The following WDR72 variants were observed in gnomAD, a reference collection of about 807,000 sequenced individuals.
WDR72 encodes the protein WD repeat-containing protein 72.
In WDR72, 120 loss-of-function variants were observed where a neutral mutation model predicts 124.2. That is an observed-to-expected ratio of 0.97 (90% CI 0.83 to 1.12). WDR72 has a LOEUF of 1.12. Among genes scored for constraint, WDR72 ranks in the 50% most tolerant of loss-of-function variants. The pLI is 0.00. For synonymous variants in WDR72, 452 were observed against 441.7 expected, an observed-to-expected ratio of 1.02 and a Z score of -0.29; for missense variants, 1,387 against 1,278.8, an observed-to-expected ratio of 1.08 and a Z score of -1.29.
intron 14 of WDR72, among the ~76,000 whole-genome samples, chr15:53,621,878 ACAAAG>A (rs1171460418): frequency 6.6e-6 from 1 of 152,146 alleles, no homozygotes; most frequent in African/African-American, 2.4e-5. Flanking sequence ...TATGCATCTG[ACAAAG>A]CCCTAATATC....
intron 19 of WDR72, among the ~76,000 whole-genome samples, 157 bp downstream of exon 19, chr15:53,523,061 T>G (rs1466746633): frequency 2.0e-5 from 3 of 152,006 alleles, no homozygotes; most frequent in Admixed American, 6.6e-5. Context: ...AGATAACAGC[T>G]CCACACTGTG....
chr15:53,720,474 G>A (rs910161719), intron 3 of WDR72, among the ~76,000 whole-genome samples: 2 of 152,122 alleles, frequency 1.3e-5, no homozygotes, highest in Non-Finnish European at 2.9e-5. Context: ...TCTTACTAAA[G>A]AATATCATTT....
rs753721207 is a variant in WDR72 at position 53,711,317 on chromosome 15, C to T, written c.857+19G>A. 8.1e-6 allele frequency: 13 copies of T among 1,613,854 alleles called. No individual in the cohort carries two copies. Among genetic ancestry groups the T allele is most frequent in the African/African-American group, 2.7e-5 (2 of 74,874 alleles). On this transcript the variant is annotated intron_variant, in intron 8 of 19. Coordinates refer to ENST00000360509, the MANE Select transcript of WDR72 (RefSeq NM_182758.4). ...TTTTCTACCTGAATGTTTTGTATGC[C>T]GCTCCCATCTGAGCCCACCTGTTCA...
At chr15:53,729,651 TCA>T (rs1194304827) in intron 2 of WDR72, among the ~76,000 whole-genome samples, 2 of 152,164 alleles carry the variant, frequency 1.3e-5, no homozygotes, top group Admixed American at 1.3e-4. Flanking sequence ...CTCATGTCTT[TCA>T]CACACACTTG....
chr15:53,615,373 T>G, intron 15 of WDR72, 53 bp downstream of exon 15: 5 of 1,373,084 alleles, frequency 3.6e-6, no homozygotes, highest in Non-Finnish European at 5.1e-6. Flanking sequence ...AATAATGATA[T>G]ATATTTTTAA....
intron 18 of WDR72, among the ~76,000 whole-genome samples, chr15:53,587,862 A>T (rs2012298614): frequency 6.6e-6 from 1 of 152,080 alleles, no homozygotes; most frequent in Non-Finnish European, 1.5e-5. Context: ...CATCTGTAGC[A>T]GGTAAAAGAA....
rs146628975 is a variant in WDR72, at chr15:53,534,104, C to A, written c.3149-10782G>T. Among the ~76,000 whole-genome samples, 23 of 152,208 alleles carry A rather than the reference C, an allele frequency of 1.5e-4. No homozygotes were observed. In the East Asian group the frequency reaches 3.1e-3, roughly 21 times the overall value. ...AATCAGAAGACTGAGCTAGAAAAAT[C>A]AGAGGCCTGACCCAGTGTGTCAGTT... is the stretch of plus-strand genomic sequence containing the variant. On this transcript the variant is annotated intron_variant, in intron 18 of 19. Coordinates refer to ENST00000360509, the MANE Select transcript of WDR72 (RefSeq NM_182758.4).
At chr15:53,627,896 T>C (rs2140389133) in intron 14 of WDR72, among the ~76,000 whole-genome samples, 1 of 152,280 alleles carries the variant, frequency 6.6e-6, no homozygotes, top group Middle Eastern at 3.4e-3. Context: ...AAAAATAAAA[T>C]ACTTTTTAAA....
chr15:53,742,550 T>A (rs1246870566), intron 1 of WDR72, among the ~76,000 whole-genome samples: 1 of 152,134 alleles, frequency 6.6e-6, no homozygotes, highest in Non-Finnish European at 1.5e-5. Context: ...AATTTTTAAA[T>A]CTCATCTATT....
chr15:53,576,877 T>A (rs1333466051), intron 18 of WDR72, among the ~76,000 whole-genome samples: 2 of 152,174 alleles, frequency 1.3e-5, no homozygotes, highest in Non-Finnish European at 2.9e-5. Flanking sequence ...TCCAGAATAT[T>A]TTTGGGAAAT....
At chr15:53,525,250 T>C (rs1892049677) in intron 18 of WDR72, among the ~76,000 whole-genome samples, 1 of 152,122 alleles carries the variant, frequency 6.6e-6, no homozygotes, top group African/African-American at 2.4e-5. Flanking sequence ...CAAGATTTCC[T>C]GGCCTACTTT....
At chr15:53,622,776 G>GAACTA (rs200002566) in intron 14 of WDR72, among the ~76,000 whole-genome samples, 23 of 148,342 alleles carry the variant, frequency 1.6e-4, no homozygotes, top group Middle Eastern at 3.4e-3. Flanking sequence ...ATGTATCCCA[G>GAACTA]AACTAAACTA....
At chr15:53,597,817 T>C (rs999031495) in intron 17 of WDR72, among the ~76,000 whole-genome samples, 3 of 152,142 alleles carry the variant, frequency 2.0e-5, no homozygotes, top group African/African-American at 7.2e-5. Flanking sequence ...CGTCTTCCAA[T>C]TGCTGTGTGT....
At chr15:53,526,225 G>A (rs1292870659) in intron 18 of WDR72, among the ~76,000 whole-genome samples, 2 of 151,986 alleles carry the variant, frequency 1.3e-5, no homozygotes, top group Non-Finnish European at 2.9e-5. Context: ...TAACTAGTAG[G>A]AACACCGGAG....
intron 17 of WDR72, among the ~76,000 whole-genome samples, chr15:53,601,000 C>G (rs1231230752): frequency 6.6e-6 from 1 of 152,112 alleles, no homozygotes; most frequent in Non-Finnish European, 1.5e-5. Context: ...CTTCCCCCAA[C>G]CTTAAAGGTA....
intron 14 of WDR72, among the ~76,000 whole-genome samples, chr15:53,665,370 A>G (rs955688422): frequency 1.3e-5 from 2 of 152,194 alleles, no homozygotes; most frequent in Non-Finnish European, 2.9e-5. Flanking sequence ...GCCAGAACCT[A>G]TTTTGTCAAA....
At chr15:53,620,162 T>TA (rs1183688749) in intron 14 of WDR72, among the ~76,000 whole-genome samples, 1 of 151,946 alleles carries the variant, frequency 6.6e-6, no homozygotes, top group East Asian at 1.9e-4. Context: ...CAAAATCATA[T>TA]AAAAAATGGT....
intron 18 of WDR72, among the ~76,000 whole-genome samples, chr15:53,534,822 T>C (rs755696014): frequency 1.3e-5 from 2 of 152,114 alleles, no homozygotes; most frequent in African/African-American, 2.4e-5. Context: ...TAATTGTTGT[T>C]TTGCCCAAGT....
chr15:53,657,263 C>CAAAAAAAAA (rs10549551), intron 14 of WDR72, among the ~76,000 whole-genome samples: 62 of 56,390 alleles, frequency 1.1e-3, no homozygotes, highest in East Asian at 1.5e-3. Flanking sequence ...GACTCCATCT[C>CAAAAAAAAA]AAAAAAAAAA....
Sources: gnomAD v4.1 joint callset for allele counts (sites outside exome capture counted in the v4.1 genomes callset) on GRCh38, gnomAD v4.1.1 for gene constraint, MANE v1.5 for transcripts, NCBI Gene and HGNC (gene_info 2026-07-23, HGNC 2026-07-21) for gene names.